Variants in MAMDC2 observed in about 807,000 individuals in gnomAD.
The protein encoded by MAMDC2 is MAM domain containing 2.
MAMDC2 carries 57 observed loss-of-function variants against 89.8 expected under a neutral mutation model. That is an observed-to-expected ratio of 0.63 (90% CI 0.51 to 0.79). The LOEUF (loss-of-function observed/expected upper bound fraction) is 0.79, where lower values mean the gene tolerates loss of function less well. MAMDC2 is among the 30% of genes least tolerant of loss of function. The probability of loss-of-function intolerance (pLI) is 0.00; values close to 1 mark genes in which losing one functional copy is unlikely to be tolerated. For synonymous variants in MAMDC2, 313 were observed against 293.4 expected, an observed-to-expected ratio of 1.07 and a Z score of -0.68; for missense variants, 800 against 820.6, an observed-to-expected ratio of 0.97 and a Z score of 0.31.
chr9:70,207,849 T>C (rs1172574873), intron 11 of MAMDC2, among the ~76,000 whole-genome samples: 1 of 152,250 alleles, frequency 6.6e-6, no homozygotes, highest in African/African-American at 2.4e-5. Flanking sequence ...TTTCCACATA[T>C]GGCTAACCAG....
chr9:70,167,000 AG>A (rs1421381324), intron 9 of MAMDC2, among the ~76,000 whole-genome samples: 1 of 152,194 alleles, frequency 6.6e-6, no homozygotes, highest in African/African-American at 2.4e-5. Flanking sequence ...AACCGCATTC[AG>A]GGCTGATGAC....
intron 11 of MAMDC2, among the ~76,000 whole-genome samples, chr9:70,212,564 CCTTGCG>C (rs1022556476): frequency 2.6e-5 from 4 of 152,184 alleles, no homozygotes; most frequent in African/African-American, 9.7e-5. Flanking sequence ...TTCTGCGACC[CCTTGCG>C]CTTTCCGGGT....
At chr9:70,214,480 G>A (rs561051025) in intron 11 of MAMDC2, among the ~76,000 whole-genome samples, 1 of 152,300 alleles carries the variant, frequency 6.6e-6, no homozygotes, top group South Asian at 2.1e-4. Context: ...GAGAATAGGT[G>A]GGAGACTGTA....
At chr9:70,073,056 A>C (rs1827445019) in intron 2 of MAMDC2, among the ~76,000 whole-genome samples, 1 of 152,202 alleles carries the variant, frequency 6.6e-6, no homozygotes, top group Non-Finnish European at 1.5e-5. Context: ...GCTAGTCGCA[A>C]ATTCCTGACC....
chr9:70,047,649 G>A (rs1289997000), intron 2 of MAMDC2, among the ~76,000 whole-genome samples: 1 of 152,286 alleles, frequency 6.6e-6, no homozygotes, highest in South Asian at 2.1e-4. Context: ...TGTAAATAGT[G>A]CTGCAATAAA....
intron 5 of MAMDC2, among the ~76,000 whole-genome samples, chr9:70,114,472 A>G (rs2029882920): frequency 6.6e-6 from 1 of 151,968 alleles, no homozygotes; most frequent in South Asian, 2.1e-4. Context: ...GTGTGGGCCA[A>G]TAAAACACAC....
At chr9:70,142,541 C>A (rs1003612779) in intron 8 of MAMDC2, among the ~76,000 whole-genome samples, 1 of 152,142 alleles carries the variant, frequency 6.6e-6, no homozygotes, top group Non-Finnish European at 1.5e-5. Flanking sequence ...TAAGAAAATA[C>A]CACAGACTGG....
chr9:70,057,076 A>G (rs1332711657), intron 2 of MAMDC2, among the ~76,000 whole-genome samples: 2 of 152,146 alleles, frequency 1.3e-5, no homozygotes, highest in Non-Finnish European at 2.9e-5. Flanking sequence ...AGTGCACAAT[A>G]AATGTAATGT....
intron 2 of MAMDC2, among the ~76,000 whole-genome samples, chr9:70,056,755 G>A (rs546377345): frequency 7.2e-5 from 11 of 152,248 alleles, no homozygotes; most frequent in South Asian, 2.1e-4. Flanking sequence ...GCAGGCAAGC[G>A]AGGCTTCATC....
chr9:70,149,878 G>T (rs919589938), intron 9 of MAMDC2, among the ~76,000 whole-genome samples: 4 of 152,184 alleles, frequency 2.6e-5, no homozygotes, highest in African/African-American at 9.7e-5. Context: ...AACCAGGCAT[G>T]GTAGCCCAGC....
intron 11 of MAMDC2, among the ~76,000 whole-genome samples, chr9:70,197,076 T>C (rs920817589): frequency 4.6e-5 from 7 of 152,166 alleles, no homozygotes; most frequent in African/African-American, 1.4e-4. Flanking sequence ...CAGGTTGTTA[T>C]TGCCTCTGAA....
intron 12 of MAMDC2, among the ~76,000 whole-genome samples, chr9:70,224,933 G>A (rs1160862369): frequency 6.6e-6 from 1 of 151,800 alleles, no homozygotes; most frequent in African/African-American, 2.4e-5. Context: ...TTTTAGGGAG[G>A]GTTTAAATAA....
At position 70,069,693 on chromosome 9, in the gene MAMDC2, T is replaced by C. The variant is rs530979634; in HGVS notation, c.148+24996T>C. Among the ~76,000 whole-genome samples the C allele has an allele frequency of 3.9e-4, 60 of 152,296 alleles. 1 individual carries two copies. In the South Asian group the frequency reaches 0.012, roughly 31 times the overall value. On this transcript the variant is annotated intron_variant, in intron 2 of 13. Transcript: ENST00000377182. ...AGATGGAGAACTTTTTGAAGATGAT[T>C]GTCAATATTTAGCATTGGTCCCTAT...
intron 9 of MAMDC2, chr9:70,154,185 CG>C (rs2031672684): frequency 6.6e-6 from 1 of 152,144 alleles, no homozygotes; most frequent in Admixed American, 6.5e-5. Flanking sequence ...CTGGAGAATA[CG>C]GCTCCATGTT....
chr9:70,064,732 G>A (rs1375126373), intron 2 of MAMDC2, among the ~76,000 whole-genome samples: 3 of 152,188 alleles, frequency 2.0e-5, no homozygotes, highest in Non-Finnish European at 4.4e-5. Flanking sequence ...TACAGAATGT[G>A]TATGCTGGAA....
chr9:70,128,407 A>T (rs775540145), intron 6 of MAMDC2, among the ~76,000 whole-genome samples: 8 of 152,182 alleles, frequency 5.3e-5, no homozygotes, highest in Non-Finnish European at 1.0e-4. Context: ...CTTCATTCAT[A>T]GCCCTTCCCC....
intron 2 of MAMDC2, among the ~76,000 whole-genome samples, chr9:70,049,116 G>A (rs781550252): frequency 3.9e-5 from 6 of 152,058 alleles, no homozygotes; most frequent in Non-Finnish European, 5.9e-5. Context: ...TTGAGAAATC[G>A]CCTAATACAG....
chr9:70,197,517 G>A (rs2032996140), intron 11 of MAMDC2, among the ~76,000 whole-genome samples: 1 of 152,076 alleles, frequency 6.6e-6, no homozygotes, highest in Non-Finnish European at 1.5e-5. Flanking sequence ...CCAGCTGTGT[G>A]GGTATTACTG....
At chr9:70,130,092 G>T (rs143464600) in intron 6 of MAMDC2, among the ~76,000 whole-genome samples, 1 of 151,198 alleles carries the variant, frequency 6.6e-6, no homozygotes, top group Non-Finnish European at 1.5e-5. Flanking sequence ...GACACCAGTC[G>T]TTTAAATTAG....
Sources: gnomAD v4.1 joint callset for allele counts (sites outside exome capture counted in the v4.1 genomes callset) on GRCh38, gnomAD v4.1.1 for gene constraint, MANE v1.5 for transcripts, NCBI Gene and HGNC (gene_info 2026-07-23, HGNC 2026-07-21) for gene names.